The following GALNTL6 variants were observed in gnomAD, a reference collection of about 807,000 sequenced individuals.
GALNTL6 encodes polypeptide N-acetylgalactosaminyltransferase-like 6.
In GALNTL6, 46 loss-of-function variants were observed where a neutral mutation model predicts 73.7. The ratio of observed to expected loss-of-function variants is 0.62; its 90% CI spans 0.49 to 0.80. The LOEUF (loss-of-function observed/expected upper bound fraction) is 0.80. Among genes scored for constraint, GALNTL6 ranks in the 30% least tolerant of loss-of-function variants. GALNTL6 has a pLI of 0.00. For missense variants in GALNTL6, 604 were observed against 755.0 expected (o/e 0.80, Z 2.34); for synonymous variants, 259 against 263.7 (o/e 0.98, Z 0.17).
intron 5 of GALNTL6, among the ~76,000 whole-genome samples, chr4:172,697,848 G>A (rs966086278): frequency 6.6e-6 from 1 of 152,026 alleles, no homozygotes; most frequent in Middle Eastern, 3.2e-3. Flanking sequence ...AAGACTAATA[G>A]AGAACAATTA....
At chr4:172,828,282 A>AC (rs1268575200) in intron 7 of GALNTL6, among the ~76,000 whole-genome samples, 25 of 151,652 alleles carry the variant, frequency 1.6e-4, no homozygotes, top group African/African-American at 4.8e-4. Flanking sequence ...AAAAAAAAAA[A>AC]AAAAAAGAAA....
chr4:173,018,294 T>C (rs2126510161), intron 11 of GALNTL6, among the ~76,000 whole-genome samples: 1 of 152,340 alleles, frequency 6.6e-6, no homozygotes, highest in Non-Finnish European at 1.5e-5. Context: ...ATTCAAAATA[T>C]AAGCATTATC....
At chr4:171,873,912 A>C (rs1255118281) in intron 2 of GALNTL6, among the ~76,000 whole-genome samples, 1 of 152,196 alleles carries the variant, frequency 6.6e-6, no homozygotes, top group Non-Finnish European at 1.5e-5. Context: ...GAAATGTCAA[A>C]AATCTTTCAA....
chr4:172,604,661 A>G (rs1208856374), intron 5 of GALNTL6, among the ~76,000 whole-genome samples: 1 of 152,214 alleles, frequency 6.6e-6, no homozygotes, highest in Admixed American at 6.5e-5. Flanking sequence ...TGAAAATAAG[A>G]ACGATTTTCT....
chr4:172,137,359 C>CT (rs1440583144), intron 2 of GALNTL6, among the ~76,000 whole-genome samples: 17 of 152,106 alleles, frequency 1.1e-4, no homozygotes, highest in African/African-American at 4.1e-4. Flanking sequence ...AGGGGAAATG[C>CT]TATTTAAGAA....
intron 2 of GALNTL6, among the ~76,000 whole-genome samples, chr4:171,959,325 A>T (rs75209766): frequency 6.6e-6 from 1 of 152,216 alleles, no homozygotes. Context: ...TAGGTAAGAT[A>T]CTAAGTCTGA....
chr4:172,076,824 G>A (rs899641874), intron 2 of GALNTL6, among the ~76,000 whole-genome samples: 2 of 152,102 alleles, frequency 1.3e-5, no homozygotes, highest in Admixed American at 6.6e-5. Flanking sequence ...ACAACATAAG[G>A]CCAATTATAT....
At chr4:172,760,702 C>T (rs1738031941) in intron 5 of GALNTL6, among the ~76,000 whole-genome samples, 1 of 152,162 alleles carries the variant, frequency 6.6e-6, no homozygotes, top group Non-Finnish European at 1.5e-5. Context: ...GCCCTTCAGC[C>T]AGCTGCACTC....
intron 2 of GALNTL6, among the ~76,000 whole-genome samples, chr4:172,100,011 G>A (rs1440971404): frequency 1.3e-5 from 2 of 151,988 alleles, no homozygotes; most frequent in African/African-American, 4.8e-5. Context: ...TAACATTACA[G>A]GCACACAAAG....
chr4:172,171,502 A>G (rs1051835990), intron 2 of GALNTL6, among the ~76,000 whole-genome samples: 1 of 152,124 alleles, frequency 6.6e-6, no homozygotes, highest in Non-Finnish European at 1.5e-5. Context: ...TATTTCATGA[A>G]CAACACTGCT....
chr4:172,664,495 G>T (rs1054513546), intron 5 of GALNTL6, among the ~76,000 whole-genome samples: 4 of 152,010 alleles, frequency 2.6e-5, no homozygotes, highest in Admixed American at 2.0e-4. Context: ...TTTTCCTCTG[G>T]ACATAACTAA....
rs189963533 is a variant in GALNTL6, at chr4:172,079,871, A to T, written c.139-149785A>T. On this transcript the variant is annotated intron_variant, in intron 2 of 12. Coordinates refer to ENST00000506823, the MANE Select transcript of GALNTL6 (RefSeq NM_001034845.3). ...AAAATTTTGTTCTCTTTAACTTTTT[A>T]AAAAAAATTTGATTGATACTAGTTT... 8.7e-3 allele frequency among the ~76,000 whole-genome samples: 1,303 copies of T among 149,706 alleles called. 18 individuals carry two copies. The highest frequency in any genetic ancestry group is 0.031 in the African/African-American group (1,214 of 39,428).
At chr4:171,914,780 T>TAAAAAAAA (rs11447734) in intron 2 of GALNTL6, among the ~76,000 whole-genome samples, 110 of 144,858 alleles carry the variant, frequency 7.6e-4, no homozygotes, top group African/African-American at 2.3e-3. Flanking sequence ...GTAAAAATGA[T>TAAAAAAAA]AAAAAAAAAA....
chr4:172,166,592 T>C (rs1734632386), intron 2 of GALNTL6, among the ~76,000 whole-genome samples: 2 of 152,154 alleles, frequency 1.3e-5, no homozygotes, highest in South Asian at 4.1e-4. Context: ...AGTAAATAAT[T>C]CGTATTATCA....
At chr4:172,762,906 A>T (rs920607728) in intron 5 of GALNTL6, among the ~76,000 whole-genome samples, 1 of 114,450 alleles carries the variant, frequency 8.7e-6, no homozygotes, top group Non-Finnish European at 1.8e-5. Context: ...TTTGTTTAAA[A>T]AACATTAGAA....
chr4:172,923,109 G>A (rs2111297404), intron 8 of GALNTL6, among the ~76,000 whole-genome samples: 1 of 152,322 alleles, frequency 6.6e-6, no homozygotes, highest in African/African-American at 2.4e-5. Flanking sequence ...GTAGCTAGGT[G>A]TGTGCTGACA....
At chr4:171,924,538 C>A (rs1169586284) in intron 2 of GALNTL6, among the ~76,000 whole-genome samples, 1 of 152,118 alleles carries the variant, frequency 6.6e-6, no homozygotes, top group South Asian at 2.1e-4. Flanking sequence ...GGCCACACAG[C>A]AAATTGTGAT....
chr4:172,580,651 C>G (rs1737144660), intron 5 of GALNTL6, among the ~76,000 whole-genome samples: 1 of 152,128 alleles, frequency 6.6e-6, no homozygotes, highest in Non-Finnish European at 1.5e-5. Flanking sequence ...CTTTGTAGCC[C>G]CCCAGAATAA....
Position 172,096,971 on chromosome 4 carries a change from C to T in GALNTL6, c.139-132685C>T, listed in dbSNP as rs546009569. On this transcript the variant is annotated intron_variant, in intron 2 of 12. Coordinates refer to ENST00000506823, the MANE Select transcript of GALNTL6 (RefSeq NM_001034845.3). ...TGCACGCCAACATCAACACTAAAAA[C>T]CTCAACTATTCCCAGGCAGATCGTC... is the stretch of plus-strand genomic sequence containing the variant. Among the ~76,000 whole-genome samples, 16 of 152,294 alleles carry T rather than the reference C, an allele frequency of 1.1e-4. No individual in the cohort carries two copies. In the South Asian group the frequency reaches 2.1e-3, roughly 20 times the overall value.
Sources: gnomAD v4.1 joint callset for allele counts (sites outside exome capture counted in the v4.1 genomes callset) on GRCh38, gnomAD v4.1.1 for gene constraint, MANE v1.5 for transcripts, NCBI Gene and HGNC (gene_info 2026-07-23, HGNC 2026-07-21) for gene names.